Variants in COL25A1 observed in about 807,000 individuals in gnomAD.
COL25A1 encodes collagen alpha-1(XXV) chain.
Under a neutral mutation model 128.4 loss-of-function variants are expected in COL25A1, and 103 were observed. The ratio of observed to expected loss-of-function variants is 0.80; its 90% CI spans 0.68 to 0.94. COL25A1 has a LOEUF of 0.94. Among genes scored for constraint, COL25A1 ranks in the 40% least tolerant of loss-of-function variants. The probability of loss-of-function intolerance (pLI) is 0.00; values close to 1 mark genes in which losing one functional copy is unlikely to be tolerated. For synonymous variants in COL25A1, 279 were observed against 277.2 expected, an observed-to-expected ratio of 1.01 and a Z score of -0.06; for missense variants, 745 against 840.0, an observed-to-expected ratio of 0.89 and a Z score of 1.40.
intron 8 of COL25A1, among the ~76,000 whole-genome samples, chr4:108,961,702 C>T (rs571511125): frequency 2.0e-5 from 3 of 152,018 alleles, no homozygotes; most frequent in Admixed American, 1.3e-4. Context: ...TACTTCCTAC[C>T]TCACCAGTGG....
At chr4:108,942,914 C>A (rs952335980) in intron 8 of COL25A1, among the ~76,000 whole-genome samples, 1 of 151,666 alleles carries the variant, frequency 6.6e-6, no homozygotes, top group Non-Finnish European at 1.5e-5. Context: ...CACCACCACG[C>A]CCAGCTAATT....
At chr4:108,937,867 T>G in intron 10 of COL25A1, 24 bp from the exon 11 acceptor site, 1 of 1,589,826 alleles carries the variant, frequency 6.3e-7, no homozygotes, top group Non-Finnish European at 8.6e-7. Flanking sequence ...AGTGATAATT[T>G]TAGTAACGCT....
intron 3 of COL25A1, among the ~76,000 whole-genome samples, chr4:109,249,888 T>A (rs1172797247): frequency 6.6e-6 from 1 of 152,110 alleles, no homozygotes; most frequent in Non-Finnish European, 1.5e-5. Flanking sequence ...ACTTTGCAAA[T>A]TCACCCCCAT....
intron 3 of COL25A1, among the ~76,000 whole-genome samples, chr4:109,070,347 A>T (rs1392619852): frequency 1.5e-5 from 2 of 137,904 alleles, no homozygotes; most frequent in Non-Finnish European, 3.2e-5. Context: ...TTTCATGTGC[A>T]TAACATTTTT....
intron 3 of COL25A1, among the ~76,000 whole-genome samples, chr4:109,256,831 C>A (rs901893386): frequency 2.6e-5 from 4 of 152,108 alleles, no homozygotes; most frequent in African/African-American, 9.7e-5. Context: ...AGTCTATATT[C>A]TGTGATTATT....
chr4:109,026,189 A>AT (rs1393761322), intron 5 of COL25A1, among the ~76,000 whole-genome samples: 1 of 151,942 alleles, frequency 6.6e-6, no homozygotes, highest in East Asian at 1.9e-4. Flanking sequence ...ACCTGGGTTA[A>AT]GAACCCCTGA....
chr4:109,253,812 G>T (rs1780831355), intron 3 of COL25A1, among the ~76,000 whole-genome samples: 1 of 152,128 alleles, frequency 6.6e-6, no homozygotes, highest in South Asian at 2.1e-4. Flanking sequence ...TTTAGGCCGG[G>T]CGCAGTGGCT....
At chr4:108,939,150 T>C (rs1387780904) in intron 10 of COL25A1, among the ~76,000 whole-genome samples, 1 of 152,246 alleles carries the variant, frequency 6.6e-6, no homozygotes, top group Non-Finnish European at 1.5e-5. Context: ...TAATGTACCA[T>C]CAAAATGGTT....
chr4:109,056,903 G>A (rs892041514), intron 3 of COL25A1, among the ~76,000 whole-genome samples: 2 of 152,136 alleles, frequency 1.3e-5, no homozygotes, highest in African/African-American at 4.8e-5. Context: ...GTCGAACATC[G>A]CTATTTAGAG....
intron 3 of COL25A1, among the ~76,000 whole-genome samples, chr4:109,138,070 GTGGTT>G: frequency 6.6e-6 from 1 of 150,856 alleles, no homozygotes; most frequent in South Asian, 2.1e-4. Flanking sequence ...ACGTACCATG[GTGGTT>G]TGCTGCACCC....
At chr4:109,094,084 G>A (rs2126012650) in intron 3 of COL25A1, among the ~76,000 whole-genome samples, 1 of 152,222 alleles carries the variant, frequency 6.6e-6, no homozygotes, top group East Asian at 1.9e-4. Flanking sequence ...AACAATAAAT[G>A]AATGAGTGAA....
chr4:109,091,114 T>C (rs972103195), intron 3 of COL25A1, among the ~76,000 whole-genome samples: 9 of 152,216 alleles, frequency 5.9e-5, no homozygotes. Flanking sequence ...GTTTTTGAAA[T>C]GCTTCAGAAT....
chr4:109,048,299 T>A (rs887610119), intron 4 of COL25A1, 124 bp from the exon 5 acceptor site: 11 of 892,384 alleles, frequency 1.2e-5, no homozygotes, highest in Non-Finnish European at 1.9e-5. Flanking sequence ...GGAAGTTTTT[T>A]TAAATTCACT....
In COL25A1 at chr4:109,048,181, G is replaced by T. The variant is rs3108954; in HGVS notation, c.413-6C>A. On this transcript the variant is annotated splice_polypyrimidine_tract_variant and splice_region_variant and intron_variant, in intron 4 of 37. Transcript: ENST00000399132. ...AAACATACTTACAGGAGGACCTATG[G>T]GGGGAGCAGGTGGAGAGAGAAGAGA... The T allele has an allele frequency of 0.4, 651,157 of 1,608,162 alleles. 140,053 individuals are homozygous for T. The highest frequency in any genetic ancestry group is 0.71 in the African/African-American group (53,122 of 74,756).
At chr4:109,064,034 CAA>C (rs1762205490) in intron 3 of COL25A1, among the ~76,000 whole-genome samples, 2 of 152,158 alleles carry the variant, frequency 1.3e-5, no homozygotes, top group South Asian at 4.2e-4. Flanking sequence ...CAAACAGAGT[CAA>C]AGTTGGAGGC....
intron 5 of COL25A1, among the ~76,000 whole-genome samples, chr4:109,035,243 G>C (rs1560575684): frequency 6.6e-6 from 1 of 152,144 alleles, no homozygotes; most frequent in Non-Finnish European, 1.5e-5. Context: ...ACCTTCTAAT[G>C]TAAACCATCG....
chr4:109,081,316 C>T (rs926152758), intron 3 of COL25A1, among the ~76,000 whole-genome samples: 1 of 152,066 alleles, frequency 6.6e-6, no homozygotes, highest in Non-Finnish European at 1.5e-5. Context: ...AAGGGATATA[C>T]AAAAATTATA....
chr4:109,010,394 AG>A lies in COL25A1; in HGVS notation c.421-20del, dbSNP rs1756464305. The A allele has an allele frequency of 6.4e-7, 1 of 1,553,904 alleles. No individual in the cohort carries two copies. The highest frequency in any genetic ancestry group is 1.2e-5 in the South Asian group (1 of 82,312). On this transcript the variant is annotated intron_variant, in intron 5 of 37. Coordinates refer to ENST00000399132, the MANE Select transcript of COL25A1 (RefSeq NM_198721.4). ...GCTGTCCCTGAAATTAAAAAGAAAA[AG>A]AAAAACAATTACAAAATTGTATCCT...
chr4:108,954,945 CTT>C (rs11353233), intron 8 of COL25A1, among the ~76,000 whole-genome samples: 2 of 148,306 alleles, frequency 1.3e-5, no homozygotes, highest in African/African-American at 4.9e-5. Flanking sequence ...TGTTATAAAT[CTT>C]TTTTTTTTTA....
Sources: allele counts gnomAD v4.1 joint callset (sites outside exome capture counted in the v4.1 genomes callset), GRCh38; gene constraint gnomAD v4.1.1; transcripts MANE v1.5; gene names NCBI Gene and HGNC (gene_info 2026-07-23, HGNC 2026-07-21).